AGTPBP1: variants seen among roughly 807,000 people sequenced by gnomAD.
The protein encoded by AGTPBP1 is ATP/GTP binding carboxypeptidase 1.
Under a neutral mutation model 143.9 loss-of-function variants are expected in AGTPBP1, and 70 were observed. The ratio of observed to expected loss-of-function variants is 0.49; its 90% CI spans 0.40 to 0.59. The LOEUF (loss-of-function observed/expected upper bound fraction) is 0.59, where lower values mean the gene tolerates loss of function less well. AGTPBP1 is among the 20% of genes least tolerant of loss of function. The pLI, the probability that AGTPBP1 is intolerant of heterozygous loss-of-function variation, is 0.00. For synonymous variants in AGTPBP1, 463 were observed against 500.2 expected, an observed-to-expected ratio of 0.93 and a Z score of 0.99; for missense variants, 1,229 against 1,464.5, an observed-to-expected ratio of 0.84 and a Z score of 2.62.
At chr9:85,572,662 G>A (rs1827582591) in intron 25 of AGTPBP1, among the ~76,000 whole-genome samples, 1 of 152,062 alleles carries the variant, frequency 6.6e-6, no homozygotes, top group African/African-American at 2.4e-5. Context: ...AAGCATAAAC[G>A]ATATTTCAGT....
intron 14 of AGTPBP1, among the ~76,000 whole-genome samples, chr9:85,631,302 T>G (rs532558457): frequency 6.6e-6 from 1 of 152,384 alleles, no homozygotes; most frequent in South Asian, 2.1e-4. Flanking sequence ...ACCTCCTGGT[T>G]CCCAGGCTTG....
rs374580304 is a variant in AGTPBP1, at chr9:85,676,144, G to A, written c.436+1292C>T. On this transcript the variant is annotated intron_variant, in intron 6 of 25. Transcript: ENST00000357081. ...GAAATGCTTCCGGATATTGGTCTGG[G>A]CAAAATTTAGTAAGACCTGGAAAGC... 9.0e-4 allele frequency among the ~76,000 whole-genome samples: 137 copies of A among 152,306 alleles called. 6 individuals carry two copies. In the South Asian group the frequency reaches 0.026, roughly 29 times the overall value.
the AGTPBP1 span, among the ~76,000 whole-genome samples, chr9:85,798,599 C>T: frequency 2.0e-3 from 306 of 152,202 alleles, 1 homozygote; most frequent in Non-Finnish European, 3.3e-3. Context: ...AACTCCTGAC[C>T]TCTGGTGACC....
chr9:85,554,658 A>G (rs1174409990), intron 25 of AGTPBP1, among the ~76,000 whole-genome samples: 2 of 152,168 alleles, frequency 1.3e-5, no homozygotes, highest in Admixed American at 1.3e-4. Flanking sequence ...TCTGTGAGGG[A>G]AGATATCTAG....
Position 85,633,092 on chromosome 9 carries a change from CATT to C in AGTPBP1, c.1582_1584del (p.Asn528del), listed in dbSNP as rs767826738. 1.4e-4 allele frequency: 226 copies of C among 1,614,172 alleles called. No homozygotes were observed. The highest frequency in any genetic ancestry group is 1.5e-4 in the Non-Finnish European group (172 of 1,180,030). Reference sequence around the variant, plus strand: ...ATTCGGTCCAAGGCCTTTACAATATCATTGTTTAAACCATGGACTGATGAAATA... The same window carrying C: ...ATTCGGTCCAAGGCCTTTACAATATCGTTTAAACCATGGACTGATGAAATA... On this transcript the variant is annotated inframe_deletion, in exon 14 of 26. Coordinates refer to ENST00000357081, the MANE Select transcript of AGTPBP1 (RefSeq NM_001330701.2).
chr9:85,612,745 T>C (rs1469291589), intron 17 of AGTPBP1, among the ~76,000 whole-genome samples: 1 of 152,132 alleles, frequency 6.6e-6, no homozygotes, highest in South Asian at 2.1e-4. Flanking sequence ...AGGTAGTTTG[T>C]ATCATAACTG....
intron 1 of AGTPBP1, among the ~76,000 whole-genome samples, chr9:85,714,154 C>T (rs1674131005): frequency 6.6e-6 from 1 of 152,178 alleles, no homozygotes; most frequent in Non-Finnish European, 1.5e-5. Flanking sequence ...AAACCACAGG[C>T]ATTTCTCTCC....
At chr9:85,779,233 A>ATAGAT in the AGTPBP1 span, among the ~76,000 whole-genome samples, 1 of 146,852 alleles carries the variant, frequency 6.8e-6, no homozygotes, top group Non-Finnish European at 1.5e-5. Context: ...AGATATAGAT[A>ATAGAT]TAGATATAGA....
chr9:85,797,877 C>T, the AGTPBP1 span, among the ~76,000 whole-genome samples: 1 of 152,052 alleles, frequency 6.6e-6, no homozygotes, highest in Non-Finnish European at 1.5e-5. Flanking sequence ...TTTACCAGAT[C>T]CCATGTTTTT....
At position 85,741,948 on chromosome 9, in the gene AGTPBP1, G is replaced by A. The variant is rs11141082; in HGVS notation, c.-207C>T. 9.3e-6 allele frequency: 12 copies of A among 1,285,308 alleles called. No homozygotes were observed. The highest frequency in any genetic ancestry group is 1.2e-5 in the Non-Finnish European group (12 of 1,020,368). The allele number at this position is 1,285,308 out of a possible 1,614,324, so 79.6% of individuals were successfully genotyped here. A position where few individuals can be genotyped will look rare whatever the true frequency, so the allele number is the denominator to read the frequency against. ...CTGCGGCGGCGGCGCTGGAGGCGGC[G>A]GAACCTGTCCGCATCCCGGGCAACG... On this transcript the variant is annotated 5_prime_UTR_variant, in exon 1 of 26. Transcript: ENST00000357081.
At chr9:85,689,925 A>AAAAAAAAAAAAAAAAAAAAAAAAAAAAT (rs58719163) in intron 3 of AGTPBP1, among the ~76,000 whole-genome samples, 1 of 72,498 alleles carries the variant, frequency 1.4e-5, no homozygotes, top group Non-Finnish European at 2.4e-5. Context: ...AAAAAAAAAA[A>AAAAAAAAAAAAAAAAAAAAAAAAAAAAT]ATATATATAT....
intron 1 of AGTPBP1, among the ~76,000 whole-genome samples, chr9:85,728,042 C>T (rs997848047): frequency 0.015 from 2,195 of 143,300 alleles, 28 homozygotes; most frequent in Middle Eastern, 0.036. Flanking sequence ...CACACACACA[C>T]ACACACACAC....
At chr9:85,764,982 T>G in the AGTPBP1 span, 1 of 732,598 alleles carries the variant, frequency 1.4e-6, no homozygotes, top group Non-Finnish European at 2.5e-6. Flanking sequence ...TTGAGTGATT[T>G]CCTCAGTCTT....
At chr9:85,697,566 C>A (rs1836345010) in intron 2 of AGTPBP1, among the ~76,000 whole-genome samples, 1 of 145,164 alleles carries the variant, frequency 6.9e-6, no homozygotes, top group African/African-American at 2.7e-5. Context: ...CATTCTCCTG[C>A]CTCAGCCTCC....
chr9:85,640,924 A>G (rs1037761666), intron 13 of AGTPBP1, among the ~76,000 whole-genome samples: 3 of 152,244 alleles, frequency 2.0e-5, no homozygotes, highest in African/African-American at 4.8e-5. Flanking sequence ...GGTTAATCAC[A>G]GTCTGAAGTA....
chr9:85,669,265 A>C (rs1462416143), intron 8 of AGTPBP1, among the ~76,000 whole-genome samples: 1 of 151,950 alleles, frequency 6.6e-6, no homozygotes, highest in Non-Finnish European at 1.5e-5. Context: ...TATAAACATT[A>C]TATTCAATGA....
At chr9:85,622,417 A>G (rs1830992556) in intron 14 of AGTPBP1, among the ~76,000 whole-genome samples, 1 of 152,196 alleles carries the variant, frequency 6.6e-6, no homozygotes, top group Admixed American at 6.5e-5. Context: ...TAACAATATC[A>G]CAGTATAACC....
intron 1 of AGTPBP1, among the ~76,000 whole-genome samples, chr9:85,716,381 A>T (rs572677897): frequency 6.6e-6 from 1 of 152,164 alleles, no homozygotes; most frequent in South Asian, 2.1e-4. Context: ...TTCCTTGGTG[A>T]TCTCATCTAG....
At chr9:85,716,958 A>G (rs1304542282) in intron 1 of AGTPBP1, among the ~76,000 whole-genome samples, 1 of 152,166 alleles carries the variant, frequency 6.6e-6, no homozygotes, top group African/African-American at 2.4e-5. Flanking sequence ...TTCCTCCAAC[A>G]TGCCAGGCTC....
Sources: allele counts gnomAD v4.1 joint callset (sites outside exome capture counted in the v4.1 genomes callset), GRCh38; gene constraint gnomAD v4.1.1; transcripts MANE v1.5; gene names NCBI Gene and HGNC (gene_info 2026-07-23, HGNC 2026-07-21).